Variants in C5 observed in about 807,000 individuals in gnomAD.
The protein encoded by C5 is C3 and PZP-like alpha-2-macroglobulin domain-containing protein 4.
Under a neutral mutation model 218.8 loss-of-function variants are expected in C5, and 140 were observed. The observed-to-expected ratio is 0.64, with a 90% confidence interval of 0.56 to 0.74. The LOEUF (loss-of-function observed/expected upper bound fraction) is 0.74. Ranked by LOEUF, C5 falls within the 30% of genes least tolerant of loss-of-function variation. The probability of loss-of-function intolerance (pLI) is 0.00; values close to 1 mark genes in which losing one functional copy is unlikely to be tolerated. For synonymous variants in C5, 614 were observed against 682.3 expected, an observed-to-expected ratio of 0.90 and a Z score of 1.56; for missense variants, 1,700 against 1,969.6, an observed-to-expected ratio of 0.86 and a Z score of 2.59.
At chr9:120,958,535 G>A (rs967961836) in intron 38 of C5, among the ~76,000 whole-genome samples, 1 of 150,652 alleles carries the variant, frequency 6.6e-6, no homozygotes, top group African/African-American at 2.4e-5. Context: ...ACAAACTGCA[G>A]TGGGCCTAGG....
At chr9:121,000,805 T>C (rs2047155660) in intron 20 of C5, among the ~76,000 whole-genome samples, 1 of 152,170 alleles carries the variant, frequency 6.6e-6, no homozygotes, top group South Asian at 2.1e-4. Flanking sequence ...ACCTAATAGG[T>C]CATTTTTTGA....
chr9:121,013,743 TGG>T, intron 17 of C5, 128 bp downstream of exon 17: 1 of 865,008 alleles, frequency 1.2e-6, no homozygotes, highest in Admixed American at 2.3e-5. Flanking sequence ...TTTTTTCTTA[TGG>T]ACATTTACAA....
Position 121,030,456 on chromosome 9 carries a change from T to C in C5, c.699A>G (p.Pro233=). The C allele has an allele frequency of 6.5e-7, 1 of 1,548,236 alleles. No individual in the cohort carries two copies. Among genetic ancestry groups the C allele is most frequent in the South Asian group, 1.2e-5 (1 of 82,878 alleles). ...VLPHFSVSIE[P]EYNFIGYKNF... is the part of the protein sequence containing the mutation. ...TCTTGTAACCAATGAAATTATATTC[T>C]GGCTCGATTGAGACAGAAAAATGTG... The change falls in exon 7 of 41, where the codon CCA becomes CCG. Residue 233 remains proline, a synonymous_variant. Transcript: ENST00000223642.
rs752173751 is a variant in C5 at position 121,034,812 on chromosome 9, G to A, written c.575C>T (p.Ser192Phe). 1.9e-6 allele frequency: 3 copies of A among 1,542,146 alleles called. No homozygotes were observed. In the Admixed American group the frequency reaches 5.0e-5, roughly 26 times the overall value. The change falls in exon 5 of 41, where the codon TCT (serine) becomes TTT (phenylalanine). Residue 192 changes from serine (S) to phenylalanine (F), a missense_variant. Ser to Phe is a radical substitution (Grantham distance 155). Transcript: ENST00000223642. ...AACTATTTTTACATACCTAGGATTA[G>A]ACGGAATCTTGAAGTCAGGAAAAGA... ...IISFPDFKIP[S>F]NPRYGMWTIK...
chr9:121,016,696 T>C (rs993016659), intron 14 of C5, among the ~76,000 whole-genome samples: 1 of 152,126 alleles, frequency 6.6e-6, no homozygotes, highest in African/African-American at 2.4e-5. Context: ...ATGTTCCAAA[T>C]AAATAAATAA....
At chr9:120,994,321 G>A (rs960773168) in intron 22 of C5, among the ~76,000 whole-genome samples, 7 of 152,110 alleles carry the variant, frequency 4.6e-5, no homozygotes, top group Non-Finnish European at 5.9e-5. Flanking sequence ...AGTGGCTCAC[G>A]CCTGTAGTCC....
At chr9:121,037,521 C>T (rs560130774) in intron 4 of C5, among the ~76,000 whole-genome samples, 2 of 152,044 alleles carry the variant, frequency 1.3e-5, no homozygotes, top group African/African-American at 2.4e-5. Flanking sequence ...CTATGTTGGC[C>T]AGGTTAGTCT....
intron 38 of C5, 27 bp from the exon 39 acceptor site, chr9:120,957,395 C>T (rs1345965118): frequency 6.4e-7 from 1 of 1,550,518 alleles, no homozygotes; most frequent in Non-Finnish European, 8.9e-7. Context: ...AACAATGAAA[C>T]AATTCAGTCT....
chr9:121,030,403 T>G lies in C5; in HGVS notation c.752A>C (p.Lys251Thr). 2.1e-6 allele frequency: 3 copies of G among 1,447,252 alleles called. No individual in the cohort carries two copies. Among genetic ancestry groups the G allele is most frequent in the Non-Finnish European group, 2.8e-6 (3 of 1,059,194 alleles). The allele number at this position is 1,447,252 out of a possible 1,614,324, so 89.7% of individuals were successfully genotyped here. The stretch of plus-strand genomic sequence containing the variant: ...AAAAAACAAATGTTCTTACCTTGCT[T>G]TTATAGTAATTTCAAAATTCTTAAA... The part of the protein sequence containing the change: ...KNFKNFEITI[K>T]ARYFYNKVVT... The change falls in exon 7 of 41, where the codon AAA (lysine) becomes ACA (threonine). Residue 251 changes from lysine (K) to threonine (T), a missense_variant. Physicochemically the swap from Lys to Thr is moderately conservative, Grantham distance 78. Transcript: ENST00000223642.
chr9:121,019,049 AC>A (rs2047341148), intron 12 of C5, among the ~76,000 whole-genome samples: 1 of 152,070 alleles, frequency 6.6e-6, no homozygotes, highest in African/African-American at 2.4e-5. Context: ...CTTTTGTTTC[AC>A]CGATTAAAAA....
At chr9:121,057,055 T>C in the C5 span, among the ~76,000 whole-genome samples, 2 of 152,190 alleles carry the variant, frequency 1.3e-5, no homozygotes. Context: ...GCAGAAACTT[T>C]ACAGGCTTGT....
intron 25 of C5, among the ~76,000 whole-genome samples, chr9:120,986,206 A>G (rs1371840539): frequency 6.6e-6 from 1 of 152,152 alleles, no homozygotes; most frequent in African/African-American, 2.4e-5. Flanking sequence ...GAGTTAAGTT[A>G]CAGCTATATG....
the C5 span, among the ~76,000 whole-genome samples, chr9:121,056,563 T>C: frequency 6.6e-6 from 1 of 152,080 alleles, no homozygotes; most frequent in Non-Finnish European, 1.5e-5. Flanking sequence ...ATCTTGGAGA[T>C]AGAAAATTCA....
At chr9:121,043,608 C>T (rs879433844) in intron 2 of C5, among the ~76,000 whole-genome samples, 9 of 151,828 alleles carry the variant, frequency 5.9e-5, no homozygotes, top group South Asian at 2.1e-4. Context: ...TCTCAGCTCA[C>T]GACAACCTCT....
At position 121,020,145 on chromosome 9, in the gene C5, T is replaced by G. The variant is rs766338222; in HGVS notation, c.1337A>C (p.Asn446Thr). Residue 446 changes from asparagine to threonine, a missense_variant, in exon 12 of 41, where the codon AAT becomes ACT. Transcript: ENST00000223642. ...TGCTCGGTAACCTTCCCTGGCCTGA[T>G]TTTCTTCTGGAAGATCTGGAGCATC... ...KTDAPDLPEE[N>T]QAREGYRAIA... 1 of 1,613,924 alleles carries G rather than the reference T, an allele frequency of 6.2e-7. No individual in the cohort carries two copies. Among genetic ancestry groups the G allele is most frequent in the East Asian group, 2.2e-5 (1 of 44,882 alleles).
intron 25 of C5, among the ~76,000 whole-genome samples, chr9:120,985,096 TGA>T (rs377709527): frequency 6.6e-6 from 1 of 152,230 alleles, no homozygotes; most frequent in African/African-American, 2.4e-5. Context: ...CCTTAAGGAG[TGA>T]GAGTCTAGAC....
At chr9:120,989,915 G>A (rs1398977533) in intron 23 of C5, 135 bp from the exon 24 acceptor site, 17 of 693,464 alleles carry the variant, frequency 2.5e-5, no homozygotes, top group Non-Finnish European at 3.8e-5. Flanking sequence ...TCTCAGAAAC[G>A]GGGTGAGAAA....
At chr9:120,978,785 G>A (rs911715686) in intron 28 of C5, among the ~76,000 whole-genome samples, 2 of 152,124 alleles carry the variant, frequency 1.3e-5, no homozygotes, top group African/African-American at 4.8e-5. Flanking sequence ...AGCAAACCTG[G>A]TAAAATATAA....
At chr9:120,954,369 T>G (rs530482685) in intron 39 of C5, among the ~76,000 whole-genome samples, 1 of 152,236 alleles carries the variant, frequency 6.6e-6, no homozygotes, top group African/African-American at 2.4e-5. Flanking sequence ...TGTGAAAGAC[T>G]TGGAAAACTT....
Sources: allele counts gnomAD v4.1 joint callset (sites outside exome capture counted in the v4.1 genomes callset), GRCh38; gene constraint gnomAD v4.1.1; transcripts MANE v1.5; gene names NCBI Gene and HGNC (gene_info 2026-07-23, HGNC 2026-07-21).